The following TEX50 variants were observed in gnomAD, a reference collection of about 807,000 sequenced individuals.
The protein encoded by TEX50 is testis-expressed protein 50.
Under a neutral mutation model 9.8 loss-of-function variants are expected in TEX50, and 3 were observed. The ratio of observed to expected loss-of-function variants is 0.31; its 90% CI spans 0.14 to 0.79. TEX50 has a LOEUF of 0.79. TEX50 is among the 30% of genes least tolerant of loss of function. The probability of loss-of-function intolerance (pLI) is 0.63; values close to 1 mark genes in which losing one functional copy is unlikely to be tolerated. For missense variants in TEX50, 164 were observed against 199.3 expected (o/e 0.82, Z 1.07); for synonymous variants, 61 against 72.1 (o/e 0.85, Z 0.78).
Position 173,635,678 on chromosome 1 carries a change from C to T in TEX50, c.157C>T (p.His53Tyr). The T allele has an allele frequency of 6.5e-7, 1 of 1,535,684 alleles. No individual in the cohort carries two copies. The highest frequency in any genetic ancestry group is 2.4e-5 in the East Asian group (1 of 40,892). The stretch of plus-strand genomic sequence containing the variant: ...TTGGAAAGTTAAGGGTTCTCCATCT[C>T]ACTGCCTGCCTTATCTTCTGGATAA... ...HYWKVKGSPS[H>Y]CLPYLLDKLC... Residue 53 changes from histidine (H) to tyrosine (Y), a missense_variant, in exon 1 of 2, where the codon CAC becomes TAC. His to Tyr is a moderately conservative substitution (Grantham distance 83). Coordinates refer to ENST00000417563, the MANE Select transcript of TEX50 (RefSeq NM_001195190.3).
In TEX50 at chr1:173,635,931, C is replaced by T. The variant is rs1014382408; in HGVS notation, c.324+86C>T. On this transcript the variant is annotated intron_variant, in intron 1 of 1. Transcript: ENST00000417563. Reference sequence around the variant, plus strand: ...TACTAGTTTCTTTGAGAGAGGGTACCGTGTTTTATTCCTCATTGTAACCTT... The same window carrying T: ...TACTAGTTTCTTTGAGAGAGGGTACTGTGTTTTATTCCTCATTGTAACCTT... 3.7e-5 allele frequency: 38 copies of T among 1,018,104 alleles called. No homozygotes were observed. In the Admixed American group the frequency reaches 9.7e-4, roughly 26 times the overall value. 63.1% of individuals were successfully genotyped at this position (1,018,104 alleles called of 1,614,324 possible). A position where few individuals can be genotyped will look rare whatever the true frequency, so the allele number is the denominator to read the frequency against.
At chr1:173,635,886 A>G (rs1192207359) in intron 1 of TEX50, 41 bp downstream of exon 1, 1 of 1,378,506 alleles carries the variant, frequency 7.3e-7, no homozygotes, top group Non-Finnish European at 9.8e-7. Flanking sequence ...CAAAATCTCT[A>G]AGGGTTTAGA....
At chr1:173,636,758 TAACTA>T (rs1668462236) in intron 1 of TEX50, 64 bp from the exon 2 acceptor site, 3 of 1,065,626 alleles carry the variant, frequency 2.8e-6, no homozygotes, top group Non-Finnish European at 2.7e-6. Context: ...ACTATATTAT[TAACTA>T]TACTATAGTA....
chr1:173,635,520 G>A lies in TEX50; in HGVS notation c.-2G>A, dbSNP rs1306676579. Reference sequence around the variant, plus strand: ...TACTTTTTTTTCAATTGACAAAGAAGGATGTCTAATCAAAGACTACCGCTG... The same window carrying A: ...TACTTTTTTTTCAATTGACAAAGAAAGATGTCTAATCAAAGACTACCGCTG... On this transcript the variant is annotated 5_prime_UTR_variant, in exon 1 of 2. Transcript: ENST00000417563. 3.3e-6 allele frequency: 5 copies of A among 1,505,680 alleles called. No homozygotes were observed. Among genetic ancestry groups the A allele is most frequent in the Non-Finnish European group, 4.4e-6 (5 of 1,130,942 alleles). 93.3% of individuals were successfully genotyped at this position (1,505,680 alleles called of 1,614,324 possible).
chr1:173,635,949 G>T (rs1668420350), intron 1 of TEX50, 104 bp downstream of exon 1: 3 of 864,586 alleles, frequency 3.5e-6, no homozygotes, highest in South Asian at 3.7e-5. Flanking sequence ...ATTCCTCATT[G>T]TAACCTTCCC....
chr1:173,635,448 T>G lies in TEX50; in HGVS notation c.-74T>G. ...TTCGTAGGGAATTTAGTTATTTTAT[T>G]TTATTATTTAGCTAATTTAGCTATT... is the stretch of plus-strand genomic sequence containing the variant. On this transcript the variant is annotated 5_prime_UTR_variant, in exon 1 of 2. In the 5' UTR this introduces an upstream ATG that the reference lacks. Coordinates refer to ENST00000417563, the MANE Select transcript of TEX50 (RefSeq NM_001195190.3). 9.4e-7 allele frequency: 1 copy of G among 1,059,386 alleles called. No individual in the cohort carries two copies. The highest frequency in any genetic ancestry group is 1.7e-5 in the South Asian group (1 of 57,750). The allele number at this position is 1,059,386 out of a possible 1,614,324, so 65.6% of individuals were successfully genotyped here.
Position 173,636,959 on chromosome 1 carries a change from C to T in TEX50, c.457C>T (p.His153Tyr), listed in dbSNP as rs1668473582. 3 of 1,535,540 alleles carry T rather than the reference C, an allele frequency of 2.0e-6. No individual in the cohort carries two copies. Among genetic ancestry groups the T allele is most frequent in the East Asian group, 4.9e-5 (2 of 40,888 alleles). The change falls in exon 2 of 2, where the codon CAC becomes TAC. Residue 153 changes from histidine (H) to tyrosine (Y), a missense_variant. Physicochemically the swap from His to Tyr is moderately conservative, Grantham distance 83. Coordinates refer to ENST00000417563, the MANE Select transcript of TEX50 (RefSeq NM_001195190.3). Reference protein sequence around the residue: ...VIYKIWEHRSHHPSSKKIKHC... With the variant: ...VIYKIWEHRSYHPSSKKIKHC... ...ATACAAGATCTGGGAGCACAGGTCT[C>T]ACCATCCTTCCTCTAAGAAAATTAA...
chr1:173,637,024 C>A lies in TEX50; in HGVS notation c.522C>A (p.Ala174=). The change falls in exon 2 of 2, where the codon GCC becomes GCA. Residue 174 remains alanine, a synonymous_variant. Transcript: ENST00000417563. ...KLKKKSKEEG[A]RRY is the part of the protein sequence containing the mutation. The stretch of plus-strand genomic sequence containing the variant: ...AGAAGAAGAGTAAAGAAGAAGGAGC[C>A]AGAAGATACTAAATAAATGCATATG... The A allele has an allele frequency of 6.6e-7, 1 of 1,524,760 alleles. No individual in the cohort carries two copies. Among genetic ancestry groups the A allele is most frequent in the South Asian group, 1.2e-5 (1 of 83,784 alleles). The allele number at this position is 1,524,760 out of a possible 1,614,324, so 94.5% of individuals were successfully genotyped here. A position where few individuals can be genotyped will look rare whatever the true frequency, so the allele number is the denominator to read the frequency against.
At position 173,635,539 on chromosome 1, in the gene TEX50, A is replaced by G. The variant is rs1413304277; in HGVS notation, c.18A>G (p.Leu6=). Residue 6 remains leucine, a synonymous_variant, in exon 1 of 2, where the codon CTA becomes CTG. Transcript: ENST00000417563. The part of the protein sequence containing the change: MSNQR[L]PLIFSLLFIC... ...AAAGAAGGATGTCTAATCAAAGACT[A>G]CCGCTGATTTTTTCTCTGTTGTTTA... 2.0e-6 allele frequency: 3 copies of G among 1,530,280 alleles called. No homozygotes were observed. In the African/African-American group the frequency reaches 4.1e-5, roughly 21 times the overall value. 94.8% of individuals were successfully genotyped at this position (1,530,280 alleles called of 1,614,324 possible).
At chr1:173,636,804 C>A in intron 1 of TEX50, 23 bp from the exon 2 acceptor site, 3 of 1,489,384 alleles carry the variant, frequency 2.0e-6, no homozygotes, top group Non-Finnish European at 2.7e-6. Flanking sequence ...TAGATAAAAT[C>A]TGTATTGTTT....
Position 173,637,114 on chromosome 1 carries a change from T to C in TEX50, c.*78T>C. 9.1e-7 allele frequency: 1 copy of C among 1,102,978 alleles called. No homozygotes were observed. The highest frequency in any genetic ancestry group is 1.6e-5 in the South Asian group (1 of 64,496). The allele number at this position is 1,102,978 out of a possible 1,614,324, so 68.3% of individuals were successfully genotyped here. On this transcript the variant is annotated 3_prime_UTR_variant, in exon 2 of 2. Coordinates refer to ENST00000417563, the MANE Select transcript of TEX50 (RefSeq NM_001195190.3). ...TCTATCATCTAAGGATTAAAAATTG[T>C]TCTTTGGAAACCTTTATAAACTTTT... is the stretch of plus-strand genomic sequence containing the variant.
chr1:173,635,516 A>G lies in TEX50; in HGVS notation c.-6A>G. On this transcript the variant is annotated 5_prime_UTR_variant, in exon 1 of 2. Transcript: ENST00000417563. ...TAGCTACTTTTTTTTCAATTGACAA[A>G]GAAGGATGTCTAATCAAAGACTACC... 6.7e-7 allele frequency: 1 copy of G among 1,495,686 alleles called. No individual in the cohort carries two copies. The highest frequency in any genetic ancestry group is 8.9e-7 in the Non-Finnish European group (1 of 1,127,358). The allele number at this position is 1,495,686 out of a possible 1,614,324, so 92.7% of individuals were successfully genotyped here. A position where few individuals can be genotyped will look rare whatever the true frequency, so the allele number is the denominator to read the frequency against.
In TEX50 at chr1:173,635,422, C is replaced by T. The variant is rs1558128111; in HGVS notation, c.-100C>T. 8.5e-6 allele frequency: 8 copies of T among 937,832 alleles called. No individual in the cohort carries two copies. The highest frequency in any genetic ancestry group is 1.2e-5 in the Non-Finnish European group (8 of 649,074). The allele number at this position is 937,832 out of a possible 1,614,324, so 58.1% of individuals were successfully genotyped here. Reference sequence around the variant, plus strand: ...ATAGCTCCTGGTATTTTCTGCTTCCCTTCGTAGGGAATTTAGTTATTTTAT... The same window carrying T: ...ATAGCTCCTGGTATTTTCTGCTTCCTTTCGTAGGGAATTTAGTTATTTTAT... On this transcript the variant is annotated 5_prime_UTR_variant, in exon 1 of 2. Transcript: ENST00000417563.
chr1:173,635,472 T>TTTTAAAATAGCTAAATTTTAGCTAC lies in TEX50; in HGVS notation c.-46_-22dup. ...TTTTATTATTTAGCTAATTTAGCTA[T>TTTTAAAATAGCTAAATTTTAGCTAC]TTTAAAATAGCTAAATTTTAGCTAC... is the stretch of plus-strand genomic sequence containing the variant. On this transcript the variant is annotated 5_prime_UTR_variant, in exon 1 of 2. Coordinates refer to ENST00000417563, the MANE Select transcript of TEX50 (RefSeq NM_001195190.3). 7.5e-7 allele frequency: 1 copy of TTTTAAAATAGCTAAATTTTAGCTAC among 1,336,162 alleles called. No individual in the cohort carries two copies. Among genetic ancestry groups the TTTTAAAATAGCTAAATTTTAGCTAC allele is most frequent in the Non-Finnish European group, 1.0e-6 (1 of 998,346 alleles). The allele number at this position is 1,336,162 out of a possible 1,614,324, so 82.8% of individuals were successfully genotyped here.
Position 173,635,845 on chromosome 1 carries a change from G to A in TEX50, c.324G>A (p.Lys108=). The change falls in exon 1 of 2, where the codon AAG becomes AAA. Residue 108 remains lysine, a splice_region_variant and synonymous_variant. Coordinates refer to ENST00000417563, the MANE Select transcript of TEX50 (RefSeq NM_001195190.3). ...AGAAATGGAAGAAACACCAAAAAAAGGTGAATTCGTGATACAAGTAGTAAT... is the reference window on the plus strand; with the variant it reads ...AGAAATGGAAGAAACACCAAAAAAAAGTGAATTCGTGATACAAGTAGTAAT... ...LWKKWKKHQK[K]LKKQASLEKP... 1.3e-6 allele frequency: 2 copies of A among 1,523,056 alleles called. No individual in the cohort carries two copies. The highest frequency in any genetic ancestry group is 1.8e-6 in the Non-Finnish European group (2 of 1,138,192). 94.3% of individuals were successfully genotyped at this position (1,523,056 alleles called of 1,614,324 possible). A position where few individuals can be genotyped will look rare whatever the true frequency, so the allele number is the denominator to read the frequency against.
chr1:173,636,800 A>C, intron 1 of TEX50, 27 bp from the exon 2 acceptor site: 1 of 1,479,346 alleles, frequency 6.8e-7, no homozygotes, highest in Non-Finnish European at 9.1e-7. Flanking sequence ...TATGTAGATA[A>C]AATCTGTATT....
chr1:173,635,843 A>T lies in TEX50; in HGVS notation c.322A>T (p.Lys108Ter). 6.6e-7 allele frequency: 1 copy of T among 1,525,654 alleles called. No individual in the cohort carries two copies. Among genetic ancestry groups the T allele is most frequent in the Non-Finnish European group, 8.8e-7 (1 of 1,140,038 alleles). The allele number at this position is 1,525,654 out of a possible 1,614,324, so 94.5% of individuals were successfully genotyped here. A position where few individuals can be genotyped will look rare whatever the true frequency, so the allele number is the denominator to read the frequency against. Residue 108 changes from lysine (K) to a stop codon, truncating the protein, a stop_gained and splice_region_variant, in exon 1 of 2, where the codon AAG becomes TAG. Coordinates refer to ENST00000417563, the MANE Select transcript of TEX50 (RefSeq NM_001195190.3). LOFTEE classifies it low-confidence loss of function (END_TRUNC). Reference protein sequence around the residue: ...LWKKWKKHQKKLKKQASLEKP... With the variant: ...LWKKWKKHQK The stretch of plus-strand genomic sequence containing the variant: ...GAAGAAATGGAAGAAACACCAAAAA[A>T]AGGTGAATTCGTGATACAAGTAGTA...
Position 173,635,953 on chromosome 1 carries a change from C to A in TEX50, c.324+108C>A, listed in dbSNP as rs1188024553. On this transcript the variant is annotated intron_variant, in intron 1 of 1. Transcript: ENST00000417563. ...TACCGTGTTTTATTCCTCATTGTAACCTTCCCCCAACTTCCCATTCATTCC... is the reference window on the plus strand; with the variant it reads ...TACCGTGTTTTATTCCTCATTGTAAACTTCCCCCAACTTCCCATTCATTCC... 4.8e-6 allele frequency: 4 copies of A among 827,428 alleles called. No homozygotes were observed. The African/African-American group carries it at 5.2e-5, about 11-fold the overall frequency. 51.3% of individuals were successfully genotyped at this position (827,428 alleles called of 1,614,324 possible). A position where few individuals can be genotyped will look rare whatever the true frequency, so the allele number is the denominator to read the frequency against.
rs1668405455 is a variant in TEX50 at position 173,635,728 on chromosome 1, G to A, written c.207G>A (p.Met69Ile). 6.5e-7 allele frequency: 1 copy of A among 1,535,362 alleles called. No individual in the cohort carries two copies. The highest frequency in any genetic ancestry group is 1.4e-5 in the African/African-American group (1 of 73,040). ...LDKLCCDFAN[M>I]DIFQGCLYLI... is the part of the protein sequence containing the mutation. ...AACTATGCTGCGACTTTGCTAACAT[G>A]GATATATTTCAGGGTTGTTTATATC... Residue 69 changes from methionine to isoleucine, a missense_variant, in exon 1 of 2, where the codon ATG becomes ATA. Coordinates refer to ENST00000417563, the MANE Select transcript of TEX50 (RefSeq NM_001195190.3).
Sources: allele counts gnomAD v4.1 joint callset, GRCh38; gene constraint gnomAD v4.1.1; transcripts MANE v1.5; gene names NCBI Gene and HGNC (gene_info 2026-07-23, HGNC 2026-07-21).